Variants in ATP6V1A observed in about 807,000 individuals in gnomAD.
ATP6V1A encodes the protein ATPase H+ transporting V1 subunit A, also known as V-type proton ATPase catalytic subunit A.
Under a neutral mutation model 70.1 loss-of-function variants are expected in ATP6V1A, and 18 were observed. The observed-to-expected ratio is 0.26, with a 90% CI of 0.18 to 0.38. The LOEUF (loss-of-function observed/expected upper bound fraction) is 0.38. Among genes scored for constraint, ATP6V1A ranks in the 10% least tolerant of loss-of-function variants. ATP6V1A has a pLI of 1.00. For missense variants in ATP6V1A, 424 were observed against 772.4 expected, an observed-to-expected ratio of 0.55 and a Z score of 5.35; for synonymous variants, 232 against 253.8, an observed-to-expected ratio of 0.91 and a Z score of 0.82.
chr3:113,773,423 TTAAA>T (rs1708874135), intron 1 of ATP6V1A, among the ~76,000 whole-genome samples: 1 of 152,148 alleles, frequency 6.6e-6, no homozygotes. Context: ...TTGGCATAAA[TTAAA>T]TAATATGTGC....
At chr3:113,748,930 G>A (rs13077644) in intron 1 of ATP6V1A, among the ~76,000 whole-genome samples, 56,450 of 151,624 alleles carry the variant, frequency 0.37, 10,569 homozygotes, top group African/African-American at 0.43. Flanking sequence ...GAGAGGGGAA[G>A]AAAAAAAGGA....
chr3:113,806,994 T>G (rs1302371535), intron 14 of ATP6V1A, among the ~76,000 whole-genome samples: 2 of 151,868 alleles, frequency 1.3e-5, no homozygotes, highest in East Asian at 3.8e-4. Context: ...TATATATATT[T>G]TGTGTGTGTG....
At position 113,784,754 on chromosome 3, in the gene ATP6V1A, T is replaced by A; in HGVS notation, c.485T>A (p.Ile162Asn). ...IYGIVSENSL[I>N]KHKIMLPPRN... Reference sequence around the variant, plus strand: ...GGAATTGTCAGTGAGAACTCGCTTATCAAACACAAAATCATGTTACCCCCA... The same window carrying A: ...GGAATTGTCAGTGAGAACTCGCTTAACAAACACAAAATCATGTTACCCCCA... The change falls in exon 5 of 15, where the codon ATC becomes AAC. Residue 162 changes from isoleucine to asparagine, a missense_variant. Physicochemically the swap from Ile to Asn is moderately radical, Grantham distance 149 (BLOSUM62 -3). Around this residue, in one of 9 missense-constraint regions of ATP6V1A, gnomAD observed 139 missense variants for 163.5 expected, o/e 0.85. Coordinates refer to ENST00000273398, the MANE Select transcript of ATP6V1A (RefSeq NM_001690.4). 1 of 1,614,108 alleles carries A rather than the reference T, an allele frequency of 6.2e-7. No homozygotes were observed. The highest frequency in any genetic ancestry group is 8.5e-7 in the Non-Finnish European group (1 of 1,179,994).
At chr3:113,788,938 TTAA>T in intron 7 of ATP6V1A, 63 bp downstream of exon 7, 3 of 1,457,858 alleles carry the variant, frequency 2.1e-6, no homozygotes, top group Non-Finnish European at 2.8e-6. Flanking sequence ...TCATTGACAA[TTAA>T]TAAAGCTTTG....
At chr3:113,805,604 C>G in intron 14 of ATP6V1A, 79 bp downstream of exon 14, 1 of 1,398,226 alleles carries the variant, frequency 7.2e-7, no homozygotes. Flanking sequence ...GAGTCTCACT[C>G]TGTTGCGAGG....
At chr3:113,808,328 T>C (rs1176384032) in intron 14 of ATP6V1A, among the ~76,000 whole-genome samples, 1 of 129,348 alleles carries the variant, frequency 7.7e-6, no homozygotes, top group Non-Finnish European at 1.6e-5. Context: ...AGTGTCACTC[T>C]GTCACTAGGC....
chr3:113,758,442 C>G (rs949940579), intron 1 of ATP6V1A, among the ~76,000 whole-genome samples: 1 of 151,956 alleles, frequency 6.6e-6, no homozygotes, highest in Non-Finnish European at 1.5e-5. Context: ...TACCTCCCCA[C>G]CTCCTGTCCT....
chr3:113,766,813 C>T (rs936797603), intron 1 of ATP6V1A, among the ~76,000 whole-genome samples: 2 of 152,006 alleles, frequency 1.3e-5, no homozygotes, highest in African/African-American at 4.8e-5. Context: ...CCATTGCTTT[C>T]GATGGCAAAA....
In ATP6V1A at chr3:113,789,652, T is replaced by TA. The variant is rs11385012; in HGVS notation, c.880-69dup. On this transcript the variant is annotated intron_variant, in intron 7 of 14. Coordinates refer to ENST00000273398, the MANE Select transcript of ATP6V1A (RefSeq NM_001690.4). ...GAGGCATTAAATATGGGCAAAAGTT[T>TA]AAAAAAAAAAAGAAAAATAGGGAGG... is the stretch of plus-strand genomic sequence containing the variant. The TA allele has an allele frequency of 0.33, 304,911 of 918,578 alleles. 20,730 individuals are homozygous for TA. The highest frequency in any genetic ancestry group is 0.41 in the African/African-American group (23,819 of 57,502). 56.9% of individuals were successfully genotyped at this position (918,578 alleles called of 1,614,324 possible).
intron 1 of ATP6V1A, among the ~76,000 whole-genome samples, chr3:113,777,560 G>A (rs879825517): frequency 1.3e-5 from 2 of 152,122 alleles, no homozygotes; most frequent in African/African-American, 2.4e-5. Flanking sequence ...GTTTAAGACC[G>A]GCCTAGGCAA....
intron 2 of ATP6V1A, among the ~76,000 whole-genome samples, chr3:113,779,482 C>T (rs1196801937): frequency 2.6e-5 from 4 of 152,156 alleles, no homozygotes; most frequent in African/African-American, 9.7e-5. Flanking sequence ...CTAAGTAAAA[C>T]CTGGTCAGTG....
intron 4 of ATP6V1A, 51 bp from the exon 5 acceptor site, chr3:113,784,645 G>A (rs747964608): frequency 6.3e-7 from 1 of 1,598,104 alleles, no homozygotes; most frequent in South Asian, 1.1e-5. Flanking sequence ...GCAGGGGCAA[G>A]TCTACTTGAC....
intron 12 of ATP6V1A, among the ~76,000 whole-genome samples, chr3:113,799,930 T>C (rs779873508): frequency 3.0e-4 from 46 of 152,222 alleles, no homozygotes; most frequent in Middle Eastern, 3.4e-3. Flanking sequence ...GAATGACTTA[T>C]TAAAAAGACG....
intron 4 of ATP6V1A, 124 bp from the exon 5 acceptor site, chr3:113,784,572 C>T (rs1709017370): frequency 1.4e-6 from 2 of 1,413,966 alleles, no homozygotes; most frequent in African/African-American, 2.9e-5. Context: ...CTTAACTCTA[C>T]TTCATGGGAT....
Position 113,805,541 on chromosome 3 carries a change from G to C in ATP6V1A, c.1761+16G>C. ...GAAATTCAAGGTATATTTTGTTTCT[G>C]CTGTAACTTTTTTTATTTGGAAATG... On this transcript the variant is annotated intron_variant, in intron 14 of 14. Transcript: ENST00000273398. 2 of 1,581,356 alleles carry C rather than the reference G, an allele frequency of 1.3e-6. No individual in the cohort carries two copies. Among genetic ancestry groups the C allele is most frequent in the Non-Finnish European group, 1.7e-6 (2 of 1,164,492 alleles).
rs1293779357 is a variant in ATP6V1A, at chr3:113,789,722, T to C, written c.880-10T>C. The stretch of plus-strand genomic sequence containing the variant: ...AATTGGAGATTCACTAATATATATT[T>C]TACCTCTAGCTCACAATGGAGGTTG... On this transcript the variant is annotated splice_polypyrimidine_tract_variant and intron_variant, in intron 7 of 14. Coordinates refer to ENST00000273398, the MANE Select transcript of ATP6V1A (RefSeq NM_001690.4). 2 of 1,576,664 alleles carry C rather than the reference T, an allele frequency of 1.3e-6. No homozygotes were observed. Among genetic ancestry groups the C allele is most frequent in the African/African-American group, 2.7e-5 (2 of 74,012 alleles).
chr3:113,785,755 G>A (rs1709032247), intron 5 of ATP6V1A, among the ~76,000 whole-genome samples: 2 of 150,520 alleles, frequency 1.3e-5, no homozygotes, highest in South Asian at 4.2e-4. Flanking sequence ...TGCATCCTCT[G>A]CCTCCTGGGT....
chr3:113,809,475 T>G lies in ATP6V1A; in HGVS notation c.*48T>G. The G allele has an allele frequency of 3.9e-6, 6 of 1,526,726 alleles. No homozygotes were observed. Among genetic ancestry groups the G allele is most frequent in the Non-Finnish European group, 5.4e-6 (6 of 1,109,974 alleles). The allele number at this position is 1,526,726 out of a possible 1,614,324, so 94.6% of individuals were successfully genotyped here. A position where few individuals can be genotyped will look rare whatever the true frequency, so the allele number is the denominator to read the frequency against. On this transcript the variant is annotated 3_prime_UTR_variant, in exon 15 of 15. Transcript: ENST00000273398. The stretch of plus-strand genomic sequence containing the variant: ...GATTTCCTTTTCCTCAGCAAGCTCC[T>G]ATGTGTATATTTTCCTGAATTTCTC...
intron 1 of ATP6V1A, among the ~76,000 whole-genome samples, chr3:113,767,707 A>C (rs973588532): frequency 3.3e-5 from 5 of 152,084 alleles, no homozygotes; most frequent in Non-Finnish European, 1.5e-5. Flanking sequence ...GCTGGAGTGC[A>C]GTGGCTCAAT....
Sources: gnomAD v4.1 joint callset for allele counts (sites outside exome capture counted in the v4.1 genomes callset) on GRCh38, gnomAD v4.1.1 for gene constraint, gnomAD v4.1.1 regional missense constraint, MANE v1.5 for transcripts, NCBI Gene and HGNC (gene_info 2026-07-23, HGNC 2026-07-21) for gene names.